ADSL: variants seen among roughly 807,000 people sequenced by gnomAD.
ADSL encodes adenylosuccinate lyase, also known as adenylosuccinase.
ADSL carries 44 observed loss-of-function variants against 62.1 expected under a neutral mutation model. The observed-to-expected ratio is 0.71, with a 90% CI of 0.56 to 0.91. ADSL has a LOEUF of 0.91. Ranked by LOEUF, ADSL falls within the 40% of genes least tolerant of loss-of-function variation. The pLI is 0.00. For missense variants in ADSL, 531 were observed against 627.4 expected (o/e 0.85, Z 1.64); for synonymous variants, 198 against 220.5 (o/e 0.90, Z 0.90).
intron 2 of ADSL, among the ~76,000 whole-genome samples, chr22:40,384,532 G>A (rs1471864177): frequency 1.3e-5 from 2 of 152,196 alleles, no homozygotes; most frequent in East Asian, 3.9e-4. Flanking sequence ...TGTAATCCCA[G>A]CACTTTGGAA....
At chr22:40,372,122 CTTTTTTTTTTT>C (rs58396730), downstream of ADSL, among the ~76,000 whole-genome samples, 8 of 65,204 alleles carry the variant, frequency 1.2e-4, no homozygotes, top group African/African-American at 4.6e-4. Flanking sequence ...TCCCCCCCCC[CTTTTTTTTTTT>C]TTTTTTTTTT....
At chr22:40,372,048 T>C (rs2146708274), downstream of ADSL, among the ~76,000 whole-genome samples, 1 of 151,204 alleles carries the variant, frequency 6.6e-6, no homozygotes, top group South Asian at 2.1e-4. Context: ...TTGATAATCC[T>C]AAGTGAATGT....
At chr22:40,365,115 A>G in intron 12 of ADSL, 59 bp downstream of exon 12, 1 of 1,551,178 alleles carries the variant, frequency 6.4e-7, no homozygotes, top group Non-Finnish European at 8.9e-7. Flanking sequence ...ACTCTCTTTG[A>G]TGTTTTTGCT....
intron 12 of ADSL, 140 bp from the exon 13 acceptor site, chr22:40,366,296 C>G (rs1449341611): frequency 1.5e-6 from 1 of 686,166 alleles, no homozygotes; most frequent in Non-Finnish European, 2.6e-6. Context: ...TCCTGATAGG[C>G]AGTTGAGGAA....
In ADSL at chr22:40,360,375, C is replaced by T. The variant is rs575539261; in HGVS notation, c.702-27C>T. ...TGCAATGGCTTTAAAATATTTTAAC[C>T]TAAGTCTCTCTTGTACTTATTCCTA... is the stretch of plus-strand genomic sequence containing the variant. On this transcript the variant is annotated intron_variant, in intron 6 of 12. Coordinates refer to ENST00000623063, the MANE Select transcript of ADSL (RefSeq NM_000026.4). 74 of 1,584,892 alleles carry T rather than the reference C, an allele frequency of 4.7e-5. 1 individual carries two copies. The South Asian group carries it at 7.5e-4, about 16-fold the overall frequency.
intron 9 of ADSL, among the ~76,000 whole-genome samples, chr22:40,362,192 A>G (rs947883864): frequency 6.6e-6 from 1 of 152,214 alleles, no homozygotes; most frequent in East Asian, 1.9e-4. Flanking sequence ...CAACATGCGC[A>G]TCATTTTCTG....
chr22:40,384,668 T>A (rs1219986138), intron 2 of ADSL, among the ~76,000 whole-genome samples: 1 of 152,058 alleles, frequency 6.6e-6, no homozygotes, highest in African/African-American at 2.4e-5. Context: ...TAGTCCCAGC[T>A]ACTCAGGAGG....
In ADSL at chr22:40,368,223, A is replaced by G. The variant is rs533726923; in HGVS notation, c.*1701A>G. On this transcript the variant is annotated 3_prime_UTR_variant, in exon 13 of 13. Transcript: ENST00000623063. The stretch of plus-strand genomic sequence containing the variant: ...TACTGAGACTGGCTTGGGGCCAGAC[A>G]TTGGAACCACTGAGATTAGCAACCT... The G allele has an allele frequency of 6.6e-6, 1 of 152,356 alleles. No homozygotes were observed. The highest frequency in any genetic ancestry group is 2.1e-4 in the South Asian group (1 of 4,826). The allele number at this position is 152,356 out of a possible 1,614,324, so 9.4% of individuals were successfully genotyped here. A position where few individuals can be genotyped will look rare whatever the true frequency, so the allele number is the denominator to read the frequency against.
chr22:40,348,788 C>T (rs902295837), intron 1 of ADSL: 8 of 390,458 alleles, frequency 2.0e-5, no homozygotes, highest in Middle Eastern at 6.4e-4. Flanking sequence ...AGATCCTTCC[C>T]GGAGTCACTG....
At chr22:40,351,643 T>A (rs980135540) in intron 2 of ADSL, among the ~76,000 whole-genome samples, 2 of 151,930 alleles carry the variant, frequency 1.3e-5, no homozygotes, top group Non-Finnish European at 2.9e-5. Context: ...CCCATGGAGG[T>A]TGAAGTTAGA....
rs2735668 is a variant in ADSL, at chr22:40,361,314, G to T, written c.834G>T (p.Met278Ile). 1 of 1,614,182 alleles carries T rather than the reference G, an allele frequency of 6.2e-7. No individual in the cohort carries two copies. Among genetic ancestry groups the T allele is most frequent in the Non-Finnish European group, 8.5e-7 (1 of 1,180,044 alleles). The change falls in exon 8 of 13, where the codon ATG (methionine) becomes ATT (isoleucine). Residue 278 changes from methionine to isoleucine, a missense_variant. Met to Ile is a conservative substitution (Grantham distance 10). This residue lies in a region of ADSL where 471 missense variants were observed against 592.9 expected (regional missense o/e 0.79). Transcript: ENST00000623063. ...GCCTCCTGGCAAACCTCAAGGAGATGGAGGAACCCTTTGAAAAACAGCAGA... is the reference window on the plus strand; with the variant it reads ...GCCTCCTGGCAAACCTCAAGGAGATTGAGGAACCCTTTGAAAAACAGCAGA... ...DIRLLANLKE[M>I]EEPFEKQQIG...
chr22:40,346,771 C>A, intron 1 of ADSL, 60 bp downstream of exon 1: 1 of 1,530,322 alleles, frequency 6.5e-7, no homozygotes, highest in Non-Finnish European at 8.8e-7. Context: ...CAGCACGTGC[C>A]GGGCTCTGTT....
In ADSL at chr22:40,366,552, G is replaced by A. The variant is rs1466599874; in HGVS notation, c.*30G>A. 1 of 1,505,652 alleles carries A rather than the reference G, an allele frequency of 6.6e-7. No individual in the cohort carries two copies. Among genetic ancestry groups the A allele is most frequent in the East Asian group, 2.3e-5 (1 of 44,354 alleles). The allele number at this position is 1,505,652 out of a possible 1,614,324, so 93.3% of individuals were successfully genotyped here. A position where few individuals can be genotyped will look rare whatever the true frequency, so the allele number is the denominator to read the frequency against. Reference sequence around the variant, plus strand: ...GGAAGAGAATTAAACGAAAATCATTGTTAATTGCTGAGGCATGAAAATTGT... The same window carrying A: ...GGAAGAGAATTAAACGAAAATCATTATTAATTGCTGAGGCATGAAAATTGT... On this transcript the variant is annotated 3_prime_UTR_variant, in exon 13 of 13. Coordinates refer to ENST00000623063, the MANE Select transcript of ADSL (RefSeq NM_000026.4).
intron 2 of ADSL, among the ~76,000 whole-genome samples, chr22:40,350,833 C>T (rs1384450847): frequency 6.6e-6 from 1 of 151,912 alleles, no homozygotes; most frequent in East Asian, 1.9e-4. Flanking sequence ...GTTGGTCAGG[C>T]TGGTCTTGAA....
chr22:40,375,099 GTTAACTA>G lies in ADSL; in HGVS notation c.89+8608_89+8614del, dbSNP rs548037862. 5.3e-5 allele frequency among the ~76,000 whole-genome samples: 8 copies of G among 152,318 alleles called. No individual in the cohort carries two copies. In the East Asian group the frequency reaches 1.3e-3, roughly 26 times the overall value. Reference sequence around the variant, plus strand: ...CATTCACCTCTTTTCAGTAGGCACAGTTAACTATTAACTGTCTCTTCTAATATATGCC... The same window carrying G: ...CATTCACCTCTTTTCAGTAGGCACAGTTAACTGTCTCTTCTAATATATGCC... On this transcript the variant is annotated intron_variant, in intron 2 of 2. Transcript: ENST00000498234.
intron 3 of ADSL, chr22:40,353,420 G>C: frequency 1.4e-6 from 1 of 702,032 alleles, no homozygotes; most frequent in South Asian, 1.5e-5. Context: ...AGTCTCCCAA[G>C]TAGGTGGGAG....
At chr22:40,382,664 G>A (rs2047757364) in intron 2 of ADSL, among the ~76,000 whole-genome samples, 1 of 152,224 alleles carries the variant, frequency 6.6e-6, no homozygotes, top group African/African-American at 2.4e-5. Flanking sequence ...GGTTCACGGG[G>A]AGTGGATGGG....
At chr22:40,359,438 G>T (rs1348306221) in intron 6 of ADSL, 132 bp downstream of exon 6, 60 of 611,962 alleles carry the variant, frequency 9.8e-5, no homozygotes, top group African/African-American at 2.9e-4. Flanking sequence ...TTTTTTTCCT[G>T]TCTCTATCCT....
chr22:40,371,204 CTG>C (rs1223344119), downstream of ADSL, among the ~76,000 whole-genome samples: 3 of 152,226 alleles, frequency 2.0e-5, no homozygotes, highest in African/African-American at 7.2e-5. Context: ...ACGGGGGAAA[CTG>C]AGGCATACGT....
Sources: gnomAD v4.1 joint callset for allele counts (sites outside exome capture counted in the v4.1 genomes callset) on GRCh38, gnomAD v4.1.1 for gene constraint, gnomAD v4.1.1 regional missense constraint, MANE v1.5 for transcripts, NCBI Gene and HGNC (gene_info 2026-07-23, HGNC 2026-07-21) for gene names.